The following TXNDC16 variants were observed in gnomAD, a reference collection of about 807,000 sequenced individuals.
TXNDC16 encodes thioredoxin domain containing 16, also known as thioredoxin domain-containing protein 16.
Under a neutral mutation model 85.6 loss-of-function variants are expected in TXNDC16, and 74 were observed. The observed-to-expected ratio is 0.86, with a 90% CI of 0.72 to 1.05. TXNDC16 has a LOEUF of 1.05. Ranked by LOEUF, TXNDC16 falls within the 50% of genes least tolerant of loss-of-function variation. TXNDC16 has a pLI of 0.00. For missense variants in TXNDC16, 959 were observed against 947.0 expected, an observed-to-expected ratio of 1.01 and a Z score of -0.17; for synonymous variants, 335 against 326.5, an observed-to-expected ratio of 1.03 and a Z score of -0.28.
Position 52,480,975 on chromosome 14 carries a change from G to GTATA in TXNDC16, c.1312+1251_1312+1254dup, listed in dbSNP as rs141877325. 4.3e-3 allele frequency among the ~76,000 whole-genome samples: 581 copies of GTATA among 134,974 alleles called. 2 individuals are homozygous for GTATA. The highest frequency in any genetic ancestry group is 8.0e-3 in the African/African-American group (284 of 35,676). The allele number at this position is 134,974 out of a possible 152,430, so 88.5% of individuals were successfully genotyped here. A position where few individuals can be genotyped will look rare whatever the true frequency, so the allele number is the denominator to read the frequency against. On this transcript the variant is annotated intron_variant, in intron 14 of 20. Transcript: ENST00000281741. ...TGTGTGTGTGTGTATATATATATAT[G>GTATA]TATATATATATATATATATATATAT... is the stretch of plus-strand genomic sequence containing the variant.
intron 9 of TXNDC16, among the ~76,000 whole-genome samples, chr14:52,503,303 C>G (rs1594736293): frequency 6.6e-6 from 1 of 152,228 alleles, no homozygotes; most frequent in Admixed American, 6.5e-5. Flanking sequence ...CCCCAAGTAG[C>G]CTCACTGGGA....
intron 1 of TXNDC16, among the ~76,000 whole-genome samples, chr14:52,546,836 A>G (rs2140234510): frequency 6.6e-6 from 1 of 152,372 alleles, no homozygotes; most frequent in African/African-American, 2.4e-5. Context: ...AGCAGCATAG[A>G]AACTGTTCTG....
intron 6 of TXNDC16, among the ~76,000 whole-genome samples, chr14:52,525,699 AAAT>A (rs199701557): frequency 0.1 from 12,531 of 121,104 alleles, 582 homozygotes; most frequent in East Asian, 0.12. Flanking sequence ...CTCCATCTCA[AAAT>A]AATAATAATA....
At chr14:52,526,971 T>C (rs1377828236) in intron 6 of TXNDC16, among the ~76,000 whole-genome samples, 1 of 152,234 alleles carries the variant, frequency 6.6e-6, no homozygotes, top group African/African-American at 2.4e-5. Context: ...AAGGGTGGCA[T>C]GCCAGCGGAG....
At chr14:52,450,159 A>C (rs1044742702) in intron 18 of TXNDC16, among the ~76,000 whole-genome samples, 6 of 152,058 alleles carry the variant, frequency 3.9e-5, no homozygotes, top group Non-Finnish European at 8.8e-5. Context: ...TGGTTTTCCG[A>C]AAAGTTAAAC....
At chr14:52,510,172 A>G (rs1201952432) in intron 9 of TXNDC16, among the ~76,000 whole-genome samples, 1 of 152,186 alleles carries the variant, frequency 6.6e-6, no homozygotes, top group Non-Finnish European at 1.5e-5. Flanking sequence ...ACAAATCAGA[A>G]GGGCAAGGGA....
intron 9 of TXNDC16, among the ~76,000 whole-genome samples, chr14:52,496,048 T>C (rs1335094994): frequency 2.0e-5 from 3 of 151,612 alleles, no homozygotes. Context: ...TAGTTCCAGC[T>C]ACTCGGGAGG....
chr14:52,458,561 G>A (rs1263018881), intron 16 of TXNDC16, among the ~76,000 whole-genome samples: 1 of 152,048 alleles, frequency 6.6e-6, no homozygotes, highest in Non-Finnish European at 1.5e-5. Context: ...AAAATAAAAA[G>A]AGAGACGAGA....
At chr14:52,549,387 G>A (rs960188740) in intron 1 of TXNDC16, among the ~76,000 whole-genome samples, 3 of 152,184 alleles carry the variant, frequency 2.0e-5, no homozygotes, top group Non-Finnish European at 4.4e-5. Flanking sequence ...GGGCTAAAGC[G>A]TGCACATAAA....
chr14:52,436,112 C>T (rs2035020662), intron 20 of TXNDC16, among the ~76,000 whole-genome samples: 1 of 152,166 alleles, frequency 6.6e-6, no homozygotes, highest in South Asian at 2.1e-4. Context: ...AGGCACCAAA[C>T]CATATACATG....
chr14:52,453,508 G>A (rs1473662775), intron 18 of TXNDC16, among the ~76,000 whole-genome samples: 1 of 152,148 alleles, frequency 6.6e-6, no homozygotes, highest in Non-Finnish European at 1.5e-5. Flanking sequence ...AAAAAAGAAT[G>A]AGATTCTGTC....
At chr14:52,436,231 C>T (rs2035023533) in intron 20 of TXNDC16, among the ~76,000 whole-genome samples, 1 of 152,176 alleles carries the variant, frequency 6.6e-6, no homozygotes, top group South Asian at 2.1e-4. Flanking sequence ...GAATATTATT[C>T]ATCCATAAAA....
chr14:52,447,992 C>A, intron 18 of TXNDC16, among the ~76,000 whole-genome samples: 1 of 146,208 alleles, frequency 6.8e-6, no homozygotes, highest in Non-Finnish European at 1.5e-5. Context: ...CATAAACAGT[C>A]AGAGGAAACA....
Position 52,535,326 on chromosome 14 carries a change from T to C in TXNDC16, c.392+1393A>G, listed in dbSNP as rs536279848. ...TTCCTCAAAAGACCATCTTCACTCATTACGATTGGCTCGTTAGTCTACAAG... is the reference window on the plus strand; with the variant it reads ...TTCCTCAAAAGACCATCTTCACTCACTACGATTGGCTCGTTAGTCTACAAG... On this transcript the variant is annotated intron_variant, in intron 6 of 20. Coordinates refer to ENST00000281741, the MANE Select transcript of TXNDC16 (RefSeq NM_020784.3). Among the ~76,000 whole-genome samples, 27 of 152,270 alleles carry C rather than the reference T, an allele frequency of 1.8e-4. No homozygotes were observed. In the South Asian group the frequency reaches 2.7e-3, roughly 15 times the overall value.
At chr14:52,515,003 G>A in intron 7 of TXNDC16, 33 bp from the exon 8 acceptor site, 1 of 1,527,148 alleles carries the variant, frequency 6.5e-7, no homozygotes, top group Non-Finnish European at 9.0e-7. Flanking sequence ...TGGAAGACAG[G>A]AAAAAATAGT....
At chr14:52,531,851 C>T (rs1188633118) in intron 6 of TXNDC16, among the ~76,000 whole-genome samples, 2 of 151,986 alleles carry the variant, frequency 1.3e-5, no homozygotes, top group Non-Finnish European at 2.9e-5. Flanking sequence ...ACAACTGTAC[C>T]ACACTAATGC....
chr14:52,504,538 C>A (rs1036571526), intron 9 of TXNDC16, among the ~76,000 whole-genome samples: 2 of 152,106 alleles, frequency 1.3e-5, no homozygotes, highest in African/African-American at 4.8e-5. Flanking sequence ...TTTGTCACCA[C>A]CAGGCCTGCC....
chr14:52,537,224 AT>A (rs1484973874), intron 5 of TXNDC16, among the ~76,000 whole-genome samples: 1 of 152,170 alleles, frequency 6.6e-6, no homozygotes, highest in Non-Finnish European at 1.5e-5. Flanking sequence ...CCTCAGGTAG[AT>A]CAAACCCAAG....
intron 14 of TXNDC16, among the ~76,000 whole-genome samples, chr14:52,476,051 C>T (rs1348241144): frequency 6.6e-6 from 1 of 152,142 alleles, no homozygotes; most frequent in Non-Finnish European, 1.5e-5. Context: ...GGTAGACTTG[C>T]TGGGTGGCTA....
Sources: gnomAD v4.1 joint callset for allele counts (sites outside exome capture counted in the v4.1 genomes callset) on GRCh38, gnomAD v4.1.1 for gene constraint, MANE v1.5 for transcripts, NCBI Gene and HGNC (gene_info 2026-07-23, HGNC 2026-07-21) for gene names.